The following MMAA variants were observed in gnomAD, a reference collection of about 807,000 sequenced individuals.
The protein encoded by MMAA is metabolism of cobalamin associated A.
Under a neutral mutation model 45.0 loss-of-function variants are expected in MMAA, and 41 were observed. That is an observed-to-expected ratio of 0.91 (90% CI 0.71 to 1.18). The LOEUF is 1.18. Among genes scored for constraint, MMAA ranks in the 50% most tolerant of loss-of-function variants. The pLI, the probability that MMAA is intolerant of heterozygous loss-of-function variation, is 0.00. For missense variants in MMAA, 460 were observed against 495.7 expected (o/e 0.93, Z 0.68); for synonymous variants, 154 against 178.2 (o/e 0.86, Z 1.08).
At chr4:145,632,423 A>G (rs1727474462) in intron 1 of MMAA, among the ~76,000 whole-genome samples, 1 of 152,136 alleles carries the variant, frequency 6.6e-6, no homozygotes, top group Non-Finnish European at 1.5e-5. Flanking sequence ...TGCTGCTTTT[A>G]GGATTCATTC....
At chr4:145,636,080 T>G (rs548203317) in intron 1 of MMAA, among the ~76,000 whole-genome samples, 3 of 152,290 alleles carry the variant, frequency 2.0e-5, no homozygotes, top group African/African-American at 7.2e-5. Context: ...GAGAATAAAA[T>G]GAAATAAAAT....
intron 1 of MMAA, chr4:145,624,878 G>T: frequency 5.0e-6 from 8 of 1,603,896 alleles, no homozygotes; most frequent in African/African-American, 1.3e-5. Context: ...CCATGCTGGG[G>T]GTGTACAATG....
intron 1 of MMAA, among the ~76,000 whole-genome samples, chr4:145,635,874 C>T (rs879038364): frequency 6.6e-6 from 1 of 152,192 alleles, no homozygotes; most frequent in Admixed American, 6.5e-5. Context: ...ATCTACTTCC[C>T]TTTTAGCCAA....
At chr4:145,625,784 T>C in intron 1 of MMAA, 1 of 1,195,318 alleles carries the variant, frequency 8.4e-7, no homozygotes, top group East Asian at 2.3e-5. Context: ...GCTGTTGAAT[T>C]GTCTCCTCTT....
chr4:145,647,339 G>GTGAC (rs1727954919), intron 4 of MMAA, among the ~76,000 whole-genome samples: 1 of 152,204 alleles, frequency 6.6e-6, no homozygotes. Flanking sequence ...AGGTATCCGA[G>GTGAC]TGACTGTGTG....
chr4:145,651,090 T>A lies in MMAA; in HGVS notation c.762T>A (p.Ala254=), dbSNP rs1033389087. 5.6e-6 allele frequency: 9 copies of A among 1,614,078 alleles called. No homozygotes were observed. The African/African-American group carries it at 6.7e-5, about 12-fold the overall frequency. The change falls in exon 5 of 7, where the codon GCT becomes GCA. Residue 254 remains alanine, a synonymous_variant. Transcript: ENST00000649156. ...VGVGQSEFAV[A]DMVDMFVLLL... is the part of the protein sequence containing the mutation. Reference sequence around the variant, plus strand: ...TGGGTCAGTCGGAGTTTGCTGTTGCTGACATGGTTGACATGTTTGTTTTAC... The same window carrying A: ...TGGGTCAGTCGGAGTTTGCTGTTGCAGACATGGTTGACATGTTTGTTTTAC...
chr4:145,640,843 C>T (rs564204297), intron 2 of MMAA, among the ~76,000 whole-genome samples: 6 of 151,900 alleles, frequency 3.9e-5, no homozygotes, highest in South Asian at 2.1e-4. Flanking sequence ...GAATGTCCCA[C>T]GGTGGTGAAC....
In MMAA at chr4:145,651,166, T is replaced by TC; in HGVS notation, c.819+24dup. The stretch of plus-strand genomic sequence containing the variant: ...GCTGCAGGTAATTATTTTTATTTTT[T>TC]CCCCCAAAAATATAAAATGTATATC... On this transcript the variant is annotated intron_variant, in intron 5 of 6. Transcript: ENST00000649156. 1 of 1,600,812 alleles carries TC rather than the reference T, an allele frequency of 6.2e-7. No individual in the cohort carries two copies. The highest frequency in any genetic ancestry group is 1.1e-5 in the South Asian group (1 of 90,808).
chr4:145,623,866 G>A (rs1734140867), intron 1 of MMAA, among the ~76,000 whole-genome samples: 3 of 152,166 alleles, frequency 2.0e-5, no homozygotes, highest in Admixed American at 2.0e-4. Flanking sequence ...AGCCTTGGAG[G>A]CTTGTGAAAA....
chr4:145,627,992 C>T (rs1734240351), intron 1 of MMAA, among the ~76,000 whole-genome samples: 1 of 152,054 alleles, frequency 6.6e-6, no homozygotes, highest in Admixed American at 6.5e-5. Flanking sequence ...TATATGCTGG[C>T]TTTATGTCTA....
chr4:145,642,400 T>C lies in MMAA; in HGVS notation c.477T>C (p.Phe159=). 6.2e-7 allele frequency: 1 copy of C among 1,614,170 alleles called. No homozygotes were observed. Among genetic ancestry groups the C allele is most frequent in the Non-Finnish European group, 8.5e-7 (1 of 1,180,004 alleles). The change falls in exon 3 of 7, where the codon TTT becomes TTC. Residue 159 remains phenylalanine (F), a synonymous_variant. Transcript: ENST00000649156. ...CCCCTGGTGCTGGAAAATCAACATT[T>C]ATAGAATATTTTGGAAAAATGCTTA... ...SGPPGAGKST[F]IEYFGKMLTE...
At chr4:145,642,638 A>G (rs772755241) in intron 3 of MMAA, 153 bp downstream of exon 3, 9 of 1,113,436 alleles carry the variant, frequency 8.1e-6, no homozygotes, top group Non-Finnish European at 1.1e-5. Context: ...GGAAGCTGAG[A>G]GAAGTAGTTT....
Position 145,639,653 on chromosome 4 carries a change from T to G in MMAA, c.439+75T>G, listed in dbSNP as rs1727728354. ...GTATTCTGTTTTTTAAAAAAAAGTC[T>G]AAATAGTTTGCAATCGAATGGCGAC... On this transcript the variant is annotated intron_variant, in intron 2 of 6. Transcript: ENST00000649156. The G allele has an allele frequency of 2.6e-6, 4 of 1,522,360 alleles. No homozygotes were observed. In the South Asian group the frequency reaches 5.1e-5, roughly 19 times the overall value. 94.3% of individuals were successfully genotyped at this position (1,522,360 alleles called of 1,614,324 possible). A position where few individuals can be genotyped will look rare whatever the true frequency, so the allele number is the denominator to read the frequency against.
intron 1 of MMAA, among the ~76,000 whole-genome samples, chr4:145,638,400 T>C (rs1171552274): frequency 1.3e-5 from 2 of 152,204 alleles, no homozygotes; most frequent in Admixed American, 6.5e-5. Context: ...AATTTCGTAG[T>C]GGTTCAAACT....
chr4:145,639,708 A>G, intron 2 of MMAA, 130 bp downstream of exon 2: 1 of 1,435,276 alleles, frequency 7.0e-7, no homozygotes, highest in African/African-American at 1.4e-5. Context: ...TGAATTTTAA[A>G]TGAGTTTTCC....
intron 1 of MMAA, among the ~76,000 whole-genome samples, chr4:145,636,062 A>T (rs1326787307): frequency 1.3e-5 from 2 of 152,234 alleles, no homozygotes; most frequent in East Asian, 1.9e-4. Flanking sequence ...TCCTCATGGA[A>T]TTAACTGGAG....
Position 145,654,110 on chromosome 4 carries a change from A to C in MMAA, c.936A>C (p.Leu312Phe). 6.2e-7 allele frequency: 1 copy of C among 1,614,084 alleles called. No homozygotes were observed. The highest frequency in any genetic ancestry group is 1.6e-4 in the Middle Eastern group (1 of 6,062). ...CGGAATATGTGAGTGCACTGAAATTACTCCGCAAACGTTCACAAGTCTGGA... is the reference window on the plus strand; with the variant it reads ...CGGAATATGTGAGTGCACTGAAATTCCTCCGCAAACGTTCACAAGTCTGGA... ...IQAEYVSALK[L>F]LRKRSQVWKP... Residue 312 changes from leucine (L) to phenylalanine (F), a missense_variant, in exon 6 of 7, where the codon TTA becomes TTC. Leu to Phe is a conservative substitution (Grantham distance 22). Transcript: ENST00000649156.
chr4:145,631,904 G>A (rs1384251963), intron 1 of MMAA, among the ~76,000 whole-genome samples: 1 of 152,106 alleles, frequency 6.6e-6, no homozygotes, highest in Non-Finnish European at 1.5e-5. Context: ...ATAAACAAAT[G>A]AATAGAAAAC....
At position 145,651,023 on chromosome 4, in the gene MMAA, G is replaced by T. The variant is rs752000155; in HGVS notation, c.734-39G>T. ...ATGTAGTTGAGAAAGTCAAATAATG[G>T]TGAGTATTTTAGGATATAGTTGTGA... On this transcript the variant is annotated intron_variant, in intron 4 of 6. Transcript: ENST00000649156. 25 of 1,552,918 alleles carry T rather than the reference G, an allele frequency of 1.6e-5. No individual in the cohort carries two copies. In the South Asian group the frequency reaches 2.7e-4, roughly 17 times the overall value.
Sources: allele counts gnomAD v4.1 joint callset (sites outside exome capture counted in the v4.1 genomes callset), GRCh38; gene constraint gnomAD v4.1.1; transcripts MANE v1.5; gene names NCBI Gene and HGNC (gene_info 2026-07-23, HGNC 2026-07-21).